ZZEF1: variants seen among roughly 807,000 people sequenced by gnomAD.
ZZEF1 encodes zinc finger ZZ-type and EF-hand domain containing 1.
Under a neutral mutation model 342.8 loss-of-function variants are expected in ZZEF1, and 157 were observed. The observed-to-expected ratio is 0.46, with a 90% CI of 0.40 to 0.52. The LOEUF is 0.52. Ranked by LOEUF, ZZEF1 falls within the 20% of genes least tolerant of loss-of-function variation. The pLI is 0.00. For synonymous variants in ZZEF1, 1,505 were observed against 1,429.1 expected (o/e 1.05, Z -1.20); for missense variants, 3,480 against 3,725.6 (o/e 0.93, Z 1.72).
chr17:4,097,101 A>G (rs2058047936), intron 9 of ZZEF1, among the ~76,000 whole-genome samples: 1 of 151,986 alleles, frequency 6.6e-6, no homozygotes, highest in Non-Finnish European at 1.5e-5. Context: ...CTCTACTAAA[A>G]ATACAAAAAA....
intron 4 of ZZEF1, among the ~76,000 whole-genome samples, chr17:4,113,494 G>T (rs1402898709): frequency 1.3e-5 from 2 of 152,130 alleles, no homozygotes; most frequent in African/African-American, 2.4e-5. Context: ...GTGAAACCCT[G>T]TCTCTACTAA....
At chr17:4,095,725 A>T in intron 11 of ZZEF1, 106 bp downstream of exon 11, 4 of 1,269,630 alleles carry the variant, frequency 3.2e-6, no homozygotes, top group Non-Finnish European at 4.2e-6. Context: ...CTTTTCTATA[A>T]AGACAAGCAA....
At chr17:4,064,062 GA>G (rs1415677327) in intron 29 of ZZEF1, among the ~76,000 whole-genome samples, 138 of 142,624 alleles carry the variant, frequency 9.7e-4, no homozygotes, top group East Asian at 4.4e-3. Context: ...TTTGTAGATG[GA>G]GGGGGGGGGG....
In ZZEF1 at chr17:4,049,874, A is replaced by G; in HGVS notation, c.5864-15T>C. 6.2e-7 allele frequency: 1 copy of G among 1,611,150 alleles called. No homozygotes were observed. Among genetic ancestry groups the G allele is most frequent in the Non-Finnish European group, 8.5e-7 (1 of 1,179,086 alleles). On this transcript the variant is annotated splice_polypyrimidine_tract_variant and intron_variant, in intron 36 of 54. Transcript: ENST00000381638. ...AGCTTTAAGGCCTATGTGGGAAGCA[A>G]ATCAGAGAATGGTTAGAAGTTTTAT...
Position 4,016,243 on chromosome 17 carries a change from TGGAGGGGCTGAGCAC to T in ZZEF1, c.8145+65_8145+79del, listed in dbSNP as rs2056096726. On this transcript the variant is annotated intron_variant, in intron 49 of 54. Coordinates refer to ENST00000381638, the MANE Select transcript of ZZEF1 (RefSeq NM_015113.4). This position sits in a 1 kb window ranked among gnomAD's most constrained non-coding sequence, Gnocchi z 4.4. Reference sequence around the variant, plus strand: ...GAGAGAGCCACAGAGGGGCTGAGCATGGAGGGGCTGAGCACGGAGGGGCTGACGAGGTCTCTGCGG... The same window carrying T: ...GAGAGAGCCACAGAGGGGCTGAGCATGGAGGGGCTGACGAGGTCTCTGCGG... 3.3e-6 allele frequency: 5 copies of T among 1,505,260 alleles called. No homozygotes were observed. The highest frequency in any genetic ancestry group is 1.4e-5 in the African/African-American group (1 of 71,054). 93.2% of individuals were successfully genotyped at this position (1,505,260 alleles called of 1,614,324 possible).
Position 4,014,092 on chromosome 17 carries a change from G to A in ZZEF1, c.8411C>T (p.Thr2804Ile). Residue 2804 changes from threonine to isoleucine, a missense_variant and splice_region_variant, in exon 51 of 55, where the codon ACA becomes ATA. Coordinates refer to ENST00000381638, the MANE Select transcript of ZZEF1 (RefSeq NM_015113.4). The surrounding 1 kb of genome is among the most constrained non-coding windows in gnomAD (Gnocchi z 4.4). Reference sequence around the variant, plus strand: ...AACGCAAAGCCCAGAGCACACACCTGTCTGGAACCGCCCCAGGTGTCCGGC... The same window carrying A: ...AACGCAAAGCCCAGAGCACACACCTATCTGGAACCGCCCCAGGTGTCCGGC... ...VTAGHLGRFQ[T>I]GFEILKQMLS... 1 of 1,614,082 alleles carries A rather than the reference G, an allele frequency of 6.2e-7. No individual in the cohort carries two copies.
intron 1 of ZZEF1, among the ~76,000 whole-genome samples, chr17:4,129,265 T>C (rs2058626399): frequency 6.6e-6 from 1 of 152,142 alleles, no homozygotes; most frequent in African/African-American, 2.4e-5. Context: ...AGAAAATGTT[T>C]AAAAGCTCTT....
At chr17:4,062,116 CT>C (rs1454875707) in intron 30 of ZZEF1, among the ~76,000 whole-genome samples, 2 of 152,210 alleles carry the variant, frequency 1.3e-5, no homozygotes, top group South Asian at 2.1e-4. Flanking sequence ...AACTCCCCCC[CT>C]GGAGCCTCTG....
At chr17:4,032,368 C>G in intron 41 of ZZEF1, 110 bp from the exon 42 acceptor site, 3 of 1,198,722 alleles carry the variant, frequency 2.5e-6, no homozygotes, top group Non-Finnish European at 3.5e-6. Context: ...TCAACAAGCA[C>G]GCAAGGATAG....
In ZZEF1 at chr17:4,074,231, A is replaced by G; in HGVS notation, c.3604T>C (p.Trp1202Arg). ...ACGLPDVAVS[W>R]GLDLQLLVSR... is the part of the protein sequence containing the mutation. Reference sequence around the variant, plus strand: ...ACGAGGAGCTGTAAATCCAGCCCCCAAGACACGGCAACATCGGGCAGCCCA... The same window carrying G: ...ACGAGGAGCTGTAAATCCAGCCCCCGAGACACGGCAACATCGGGCAGCCCA... The change falls in exon 24 of 55, where the codon TGG (tryptophan) becomes CGG (arginine). Residue 1202 changes from tryptophan to arginine, a missense_variant. Around this residue, in one of 5 missense-constraint regions of ZZEF1, gnomAD observed 1,528 missense variants for 1,624.1 expected, o/e 0.94. Coordinates refer to ENST00000381638, the MANE Select transcript of ZZEF1 (RefSeq NM_015113.4). The G allele has an allele frequency of 1.2e-6, 2 of 1,614,136 alleles. No homozygotes were observed. Among genetic ancestry groups the G allele is most frequent in the Non-Finnish European group, 1.7e-6 (2 of 1,180,008 alleles).
intron 38 of ZZEF1, 78 bp downstream of exon 38, chr17:4,044,146 T>C (rs1308894356): frequency 6.6e-7 from 1 of 1,517,084 alleles, no homozygotes; most frequent in Non-Finnish European, 9.0e-7. Context: ...TCAAGCTGTG[T>C]GCCACAAACA....
rs774990667 is a variant in ZZEF1, at chr17:4,105,780, G to C, written c.1307C>G (p.Ser436Cys). 6.8e-6 allele frequency: 11 copies of C among 1,612,934 alleles called. No individual in the cohort carries two copies. Among genetic ancestry groups the C allele is most frequent in the Non-Finnish European group, 8.5e-6 (10 of 1,179,644 alleles). The change falls in exon 7 of 55, where the codon TCT (serine) becomes TGT (cysteine). Residue 436 changes from serine to cysteine, a missense_variant. Transcript: ENST00000381638. ...QKALRHMPPLSLSPGSTDFST... is the reference protein window; with the variant it reads ...QKALRHMPPLCLSPGSTDFST... Reference sequence around the variant, plus strand: ...GAAATCTGTAGATCCTGGTGAGAGAGAGAGTGGAGGCATGTGCCGCAGCGC... The same window carrying C: ...GAAATCTGTAGATCCTGGTGAGAGACAGAGTGGAGGCATGTGCCGCAGCGC...
At chr17:4,025,151 C>T (rs1322483815) in intron 42 of ZZEF1, 33 bp from the exon 43 acceptor site, 1 of 1,599,350 alleles carries the variant, frequency 6.3e-7, no homozygotes, top group African/African-American at 1.3e-5. Context: ...AAAAGAAAGG[C>T]ACAAAAGTAC....
chr17:4,116,609 C>T (rs1445600738), intron 3 of ZZEF1, among the ~76,000 whole-genome samples: 1 of 152,194 alleles, frequency 6.6e-6, no homozygotes, highest in Non-Finnish European at 1.5e-5. Flanking sequence ...AATGAGGAAG[C>T]AGACAAGACA....
Position 4,095,888 on chromosome 17 carries a change from C to T in ZZEF1, c.1856G>A (p.Arg619Lys), listed in dbSNP as rs2058024895. The change falls in exon 11 of 55, where the codon AGG (arginine) becomes AAG (lysine). Residue 619 changes from arginine to lysine, a missense_variant. By Grantham distance (26) the Arg-to-Lys change is conservative. Coordinates refer to ENST00000381638, the MANE Select transcript of ZZEF1 (RefSeq NM_015113.4). Reference sequence around the variant, plus strand: ...CTTCCATTTGTCATATTTTTCAAACCTTTTGAAGTGTTCTTCCGCACAAAA... The same window carrying T: ...CTTCCATTTGTCATATTTTTCAAACTTTTTGAAGTGTTCTTCCGCACAAAA... ...DKFCAEEHFK[R>K]FEKYDKWKLQ... 6.2e-7 allele frequency: 1 copy of T among 1,613,438 alleles called. No homozygotes were observed. Among genetic ancestry groups the T allele is most frequent in the Non-Finnish European group, 8.5e-7 (1 of 1,179,690 alleles).
At chr17:4,112,033 A>AATAT (rs57925351) in intron 5 of ZZEF1, among the ~76,000 whole-genome samples, 32 of 54,404 alleles carry the variant, frequency 5.9e-4, no homozygotes, top group Non-Finnish European at 1.1e-3. Flanking sequence ...ATCCTGTCTA[A>AATAT]ATATATATAT....
rs565870464 is a variant in ZZEF1 at position 4,099,628 on chromosome 17, C to T, written c.1672+2689G>A. On this transcript the variant is annotated intron_variant, in intron 9 of 54. Transcript: ENST00000381638. ...TGGCGCAATCTCAGCTCACTGCAAC[C>T]TCCGCCTCCCGGGTTCAAGCAATTC... is the stretch of plus-strand genomic sequence containing the variant. 2.6e-5 allele frequency among the ~76,000 whole-genome samples: 4 copies of T among 151,840 alleles called. No individual in the cohort carries two copies. In the East Asian group the frequency reaches 7.8e-4, roughly 30 times the overall value.
chr17:4,120,760 G>A (rs746193871), intron 2 of ZZEF1, among the ~76,000 whole-genome samples: 5 of 152,162 alleles, frequency 3.3e-5, no homozygotes, highest in Non-Finnish European at 5.9e-5. Context: ...GGGCAACATG[G>A]CAAAACGTTG....
chr17:4,038,849 C>T (rs2603028), intron 39 of ZZEF1, among the ~76,000 whole-genome samples: 10,260 of 151,962 alleles, frequency 0.068, 1,145 homozygotes, highest in African/African-American at 0.23. Flanking sequence ...AAAACCACCA[C>T]CACCAGGCAA....
Sources: allele counts gnomAD v4.1 joint callset (sites outside exome capture counted in the v4.1 genomes callset), GRCh38; gene constraint gnomAD v4.1.1; regional missense constraint gnomAD v4.1.1; non-coding constraint Gnocchi (gnomAD v3.1); transcripts MANE v1.5; gene names NCBI Gene and HGNC (gene_info 2026-07-23, HGNC 2026-07-21).